The following CSMD3 variants were observed in gnomAD, a reference collection of about 807,000 sequenced individuals.
CSMD3 encodes CUB and Sushi multiple domains 3.
A neutral mutation model predicts 435.2 loss-of-function variants in CSMD3; 177 were observed. The ratio of observed to expected loss-of-function variants is 0.41; its 90% CI spans 0.36 to 0.46. The LOEUF (loss-of-function observed/expected upper bound fraction) is 0.46, where lower values mean the gene tolerates loss of function less well. CSMD3 is among the 20% of genes least tolerant of loss of function. The pLI, the probability that CSMD3 is intolerant of heterozygous loss-of-function variation, is 0.34. For missense variants in CSMD3, 4,265 were observed against 4,504.6 expected, an observed-to-expected ratio of 0.95 and a Z score of 1.52; for synonymous variants, 1,656 against 1,520.5, an observed-to-expected ratio of 1.09 and a Z score of -2.07.
Position 112,707,480 on chromosome 8 carries a change from C to T in CSMD3, c.1973-17430G>A, listed in dbSNP as rs201569297. Among the ~76,000 whole-genome samples the T allele has an allele frequency of 6.8e-5, 7 of 103,694 alleles. No individual in the cohort carries two copies. The East Asian group carries it at 1.4e-3, about 21-fold the overall frequency. The allele number at this position is 103,694 out of a possible 152,430, so 68.0% of individuals were successfully genotyped here. Reference sequence around the variant, plus strand: ...ATTGGGGGTGGTAGTGGTGGTGGTGCGGCGGGAGGGGGGTGGTTCCTAGAT... The same window carrying T: ...ATTGGGGGTGGTAGTGGTGGTGGTGTGGCGGGAGGGGGGTGGTTCCTAGAT... On this transcript the variant is annotated intron_variant, in intron 13 of 70. Transcript: ENST00000297405.
intron 10 of CSMD3, among the ~76,000 whole-genome samples, chr8:112,878,160 T>C (rs1587552852): frequency 6.6e-6 from 1 of 152,094 alleles, no homozygotes; most frequent in Non-Finnish European, 1.5e-5. Context: ...ATTTTTGCAA[T>C]GTATCCATCT....
intron 1 of CSMD3, among the ~76,000 whole-genome samples, chr8:113,333,847 A>G (rs1178637320): frequency 6.6e-6 from 1 of 151,900 alleles, no homozygotes; most frequent in Non-Finnish European, 1.5e-5. Context: ...TTAAATTTAT[A>G]AGTAAATTTG....
At chr8:112,276,838 A>G (rs1415048578) in intron 59 of CSMD3, among the ~76,000 whole-genome samples, 3 of 152,070 alleles carry the variant, frequency 2.0e-5, no homozygotes, top group African/African-American at 7.2e-5. Flanking sequence ...GGAAGCTGCC[A>G]AGGCTTGGGG....
At chr8:112,260,854 C>A (rs1230832148) in intron 61 of CSMD3, among the ~76,000 whole-genome samples, 1 of 152,106 alleles carries the variant, frequency 6.6e-6, no homozygotes, top group African/African-American at 2.4e-5. Flanking sequence ...TTAATGAGAA[C>A]AGTATATACT....
In CSMD3 at chr8:112,638,872, T is replaced by A. The variant is rs1302262265; in HGVS notation, c.3350A>T (p.His1117Leu). The A allele has an allele frequency of 1.9e-6, 3 of 1,613,342 alleles. No individual in the cohort carries two copies. In the Admixed American group the frequency reaches 5.0e-5, roughly 27 times the overall value. Residue 1117 changes from histidine (H) to leucine (L), a missense_variant, in exon 21 of 71, where the codon CAT (histidine) becomes CTT (leucine). Coordinates refer to ENST00000297405, the MANE Select transcript of CSMD3 (RefSeq NM_198123.2). Reference protein sequence around the residue: ...FNFHTFHLEDHHDYLLITENG... With the variant: ...FNFHTFHLEDLHDYLLITENG... ...CTCTGTGATCAGTAAGTAGTCATGA[T>A]GGTCTTCCAAATGAAAAGTGTGGAA...
intron 35 of CSMD3, among the ~76,000 whole-genome samples, chr8:112,395,147 T>C (rs6985313): frequency 6.6e-6 from 1 of 151,988 alleles, no homozygotes; most frequent in Non-Finnish European, 1.5e-5. Flanking sequence ...AAAAGATATA[T>C]GATAAATTTC....
At chr8:112,473,698 G>C (rs1055787634) in intron 31 of CSMD3, among the ~76,000 whole-genome samples, 1 of 49,876 alleles carries the variant, frequency 2.0e-5, no homozygotes, top group African/African-American at 1.4e-4. Context: ...TTCTGCCCCA[G>C]GTGTAAGTTT....
chr8:112,618,959 C>T (rs1010423641), intron 22 of CSMD3, among the ~76,000 whole-genome samples: 1 of 151,870 alleles, frequency 6.6e-6, no homozygotes, highest in East Asian at 1.9e-4. Context: ...TTTCTGATTC[C>T]ACCACTTATA....
At chr8:112,385,457 C>A (rs1217443250) in intron 36 of CSMD3, among the ~76,000 whole-genome samples, 1 of 152,178 alleles carries the variant, frequency 6.6e-6, no homozygotes, top group Non-Finnish European at 1.5e-5. Context: ...GTGGTGATAT[C>A]TTCAGTTTTC....
At chr8:112,525,480 G>A (rs1824786713) in intron 27 of CSMD3, among the ~76,000 whole-genome samples, 1 of 150,220 alleles carries the variant, frequency 6.7e-6, no homozygotes, top group African/African-American at 2.4e-5. Context: ...CAGCACTATG[G>A]TGGACCGAGG....
At chr8:112,291,979 C>G (rs1008885852) in intron 55 of CSMD3, among the ~76,000 whole-genome samples, 4 of 151,840 alleles carry the variant, frequency 2.6e-5, no homozygotes, top group Non-Finnish European at 5.9e-5. Flanking sequence ...TAAGCTATAG[C>G]TGAACTGTAA....
chr8:112,241,919 T>A, intron 65 of CSMD3, 134 bp from the exon 66 acceptor site: 1 of 740,848 alleles, frequency 1.3e-6, no homozygotes, highest in East Asian at 2.6e-5. Context: ...ACATAGATAG[T>A]TTTCTCTAAA....
At chr8:113,198,596 T>A (rs2092685358) in intron 3 of CSMD3, among the ~76,000 whole-genome samples, 1 of 151,294 alleles carries the variant, frequency 6.6e-6, no homozygotes. Flanking sequence ...TGTTTTTGTT[T>A]TTTTTTAAAA....
intron 6 of CSMD3, among the ~76,000 whole-genome samples, chr8:112,983,275 G>A (rs2130974505): frequency 6.6e-6 from 1 of 151,760 alleles, no homozygotes; most frequent in South Asian, 2.1e-4. Context: ...ATGTATCTCT[G>A]TTTATCCTTT....
intron 3 of CSMD3, among the ~76,000 whole-genome samples, chr8:113,265,793 G>A (rs2093465164): frequency 1.3e-5 from 2 of 151,302 alleles, no homozygotes; most frequent in Admixed American, 1.3e-4. Flanking sequence ...AAAGTCACTT[G>A]TGGATTAGGG....
intron 1 of CSMD3, among the ~76,000 whole-genome samples, chr8:113,363,009 C>T (rs2094287407): frequency 6.6e-6 from 1 of 152,144 alleles, no homozygotes; most frequent in African/African-American, 2.4e-5. Flanking sequence ...GAATACTGAC[C>T]TTCTGCTACC....
At chr8:112,495,279 T>C (rs1821224257) in intron 30 of CSMD3, among the ~76,000 whole-genome samples, 1 of 152,200 alleles carries the variant, frequency 6.6e-6, no homozygotes, top group Non-Finnish European at 1.5e-5. Context: ...AGAGGAAGGA[T>C]TTAAATTTCT....
intron 32 of CSMD3, among the ~76,000 whole-genome samples, chr8:112,419,901 C>T (rs374425783): frequency 1.3e-5 from 2 of 152,090 alleles, no homozygotes; most frequent in African/African-American, 4.8e-5. Flanking sequence ...ACACAATAAG[C>T]GATTCCATTG....
chr8:112,859,315 A>G (rs769400568), intron 10 of CSMD3, 49 bp from the exon 11 acceptor site: 1 of 1,495,634 alleles, frequency 6.7e-7, no homozygotes, highest in South Asian at 1.1e-5. Flanking sequence ...CACATGTAAA[A>G]TTACAACAAT....
Sources: allele counts gnomAD v4.1 joint callset (sites outside exome capture counted in the v4.1 genomes callset), GRCh38; gene constraint gnomAD v4.1.1; transcripts MANE v1.5; gene names NCBI Gene and HGNC (gene_info 2026-07-23, HGNC 2026-07-21).